MRPS31: variants seen among roughly 807,000 people sequenced by gnomAD.
MRPS31 encodes mitochondrial ribosomal protein S31.
A neutral mutation model predicts 43.1 loss-of-function variants in MRPS31; 32 were observed. The ratio of observed to expected loss-of-function variants is 0.74; its 90% CI spans 0.56 to 1.00. The LOEUF is 1.00. Ranked by LOEUF, MRPS31 falls within the 50% of genes least tolerant of loss-of-function variation. MRPS31 has a pLI of 0.00. For synonymous variants in MRPS31, 165 were observed against 161.6 expected (o/e 1.02, Z -0.16); for missense variants, 437 against 466.7 (o/e 0.94, Z 0.59).
At chr13:40,758,080 C>T (rs907916511) in intron 3 of MRPS31, among the ~76,000 whole-genome samples, 27 of 150,436 alleles carry the variant, frequency 1.8e-4, no homozygotes, top group African/African-American at 6.6e-4. Context: ...GAGGCGGAGC[C>T]TGCAGTGAGC....
chr13:40,762,398 T>C (rs1327453294), intron 2 of MRPS31, among the ~76,000 whole-genome samples: 1 of 152,072 alleles, frequency 6.6e-6, no homozygotes, highest in African/African-American at 2.4e-5. Context: ...AAATGTTACC[T>C]TATCAGAGTT....
In MRPS31 at chr13:40,762,815, TGTGTGTGTG is replaced by T. The variant is rs1286569538; in HGVS notation, c.441-3718_441-3710del. On this transcript the variant is annotated intron_variant, in intron 2 of 6. Transcript: ENST00000323563. ...GTGTGTGTGTGTGTGTGTGTGTGTGTGTGTGTGTGTGTGTGTGTGTGTGTGTTGTACATA... is the reference window on the plus strand; with the variant it reads ...GTGTGTGTGTGTGTGTGTGTGTGTGTTGTGTGTGTGTGTGTGTTGTACATA... Among the ~76,000 whole-genome samples, 15 of 149,222 alleles carry T rather than the reference TGTGTGTGTG, an allele frequency of 1.0e-4. 1 individual carries two copies. Among genetic ancestry groups the T allele is most frequent in the Non-Finnish European group, 1.5e-5 (1 of 66,556 alleles).
At chr13:40,760,361 C>T (rs72623307) in intron 2 of MRPS31, among the ~76,000 whole-genome samples, 10,263 of 151,682 alleles carry the variant, frequency 0.068, 739 homozygotes, top group East Asian at 0.19. Context: ...TACTTTAATA[C>T]ATGTAAATTT....
At chr13:40,738,221 TC>T (rs1879980133) in intron 6 of MRPS31, among the ~76,000 whole-genome samples, 1 of 151,074 alleles carries the variant, frequency 6.6e-6, no homozygotes, top group Non-Finnish European at 1.5e-5. Flanking sequence ...ACATACACTC[TC>T]CCAAGACTAA....
intron 1 of MRPS31, among the ~76,000 whole-genome samples, chr13:40,769,012 A>G (rs978543373): frequency 2.6e-5 from 4 of 152,098 alleles, no homozygotes; most frequent in Non-Finnish European, 5.9e-5. Flanking sequence ...GGAATTTAAC[A>G]TTTTAACTAA....
chr13:40,747,571 A>G (rs1880273612), intron 6 of MRPS31, among the ~76,000 whole-genome samples: 2 of 152,192 alleles, frequency 1.3e-5, no homozygotes, highest in Non-Finnish European at 2.9e-5. Flanking sequence ...ATGCTATATT[A>G]TTGCAGGTAC....
chr13:40,735,350 C>A (rs549664135), intron 6 of MRPS31, among the ~76,000 whole-genome samples: 1 of 152,008 alleles, frequency 6.6e-6, no homozygotes, highest in African/African-American at 2.4e-5. Context: ...AGTGAGGCTG[C>A]GGGAGGGGCG....
rs761112892 is a variant in MRPS31 at position 40,770,987 on chromosome 13, G to A, written c.150C>T (p.Ala50=). ...TVRYRSSALL[A]RTKNNIQRYF... ...CACGGGGTTGCCTGAGGACCTACCG[G>A]GCCAACAGCGCTGAACTGCGGTACC... The change falls in exon 1 of 7, where the codon GCC becomes GCT. Residue 50 remains alanine (A), a splice_region_variant and synonymous_variant. Coordinates refer to ENST00000323563, the MANE Select transcript of MRPS31 (RefSeq NM_005830.4). The A allele has an allele frequency of 3.7e-6, 6 of 1,613,968 alleles. No homozygotes were observed. The highest frequency in any genetic ancestry group is 5.1e-6 in the Non-Finnish European group (6 of 1,180,026).
chr13:40,757,109 TTTCA>T (rs1232093058), intron 3 of MRPS31, 96 bp from the exon 4 acceptor site: 7 of 995,386 alleles, frequency 7.0e-6, no homozygotes, highest in African/African-American at 1.7e-5. Flanking sequence ...TTAATTCTTA[TTTCA>T]TTTTTATGCA....
intron 6 of MRPS31, among the ~76,000 whole-genome samples, chr13:40,733,296 G>A (rs970363583): frequency 1.6e-4 from 25 of 152,086 alleles, no homozygotes; most frequent in Middle Eastern, 3.4e-3. Flanking sequence ...GAGCCACCGC[G>A]CCCAGCCCAA....
chr13:40,769,405 T>C lies in MRPS31; in HGVS notation c.152+1580A>G, dbSNP rs1041347213. 3.2e-4 allele frequency among the ~76,000 whole-genome samples: 34 copies of C among 105,580 alleles called. 1 individual carries two copies. The highest frequency in any genetic ancestry group is 2.4e-3 in the Admixed American group (24 of 10,074). 69.3% of individuals were successfully genotyped at this position (105,580 alleles called of 152,430 possible). ...ATATATATATATATATATATATATA[T>C]ATATATATATATATATTATCAAGTT... On this transcript the variant is annotated intron_variant, in intron 1 of 6. Transcript: ENST00000323563.
chr13:40,730,297 G>T (rs1272223302), intron 6 of MRPS31, among the ~76,000 whole-genome samples: 1 of 151,586 alleles, frequency 6.6e-6, no homozygotes. Context: ...CGAGGCAGGC[G>T]GCTCACTCAA....
At chr13:40,755,318 C>G (rs1880500447) in intron 4 of MRPS31, among the ~76,000 whole-genome samples, 1 of 152,138 alleles carries the variant, frequency 6.6e-6, no homozygotes, top group Non-Finnish European at 1.5e-5. Flanking sequence ...TGGATTAAAG[C>G]AAGTCACAGC....
chr13:40,752,520 T>C (rs151331130), intron 5 of MRPS31: 30 of 152,330 alleles, frequency 2.0e-4, no homozygotes, highest in Non-Finnish European at 4.0e-4. Context: ...TCTACAGATA[T>C]ATATTTTACA....
chr13:40,750,845 T>C (rs1880370728), intron 5 of MRPS31, among the ~76,000 whole-genome samples: 1 of 150,946 alleles, frequency 6.6e-6, no homozygotes, highest in Admixed American at 6.6e-5. Flanking sequence ...TTTTAAATAC[T>C]ATAGTGACAA....
chr13:40,741,356 G>C (rs1465056156), intron 6 of MRPS31, among the ~76,000 whole-genome samples: 1 of 152,130 alleles, frequency 6.6e-6, no homozygotes, highest in Non-Finnish European at 1.5e-5. Context: ...ACACATGTAA[G>C]AGTTTAAGAA....
chr13:40,768,546 C>G (rs1390516887), intron 1 of MRPS31, among the ~76,000 whole-genome samples: 1 of 152,070 alleles, frequency 6.6e-6, no homozygotes, highest in African/African-American at 2.4e-5. Flanking sequence ...GTGATCCTCC[C>G]ACCTCAGCCT....
intron 3 of MRPS31, 23 bp from the exon 4 acceptor site, chr13:40,757,036 T>C (rs201166213): frequency 1.9e-6 from 3 of 1,579,412 alleles, no homozygotes; most frequent in Non-Finnish European, 2.6e-6. Context: ...AAAGGTCAAG[T>C]GTATTAGAAA....
intron 6 of MRPS31, among the ~76,000 whole-genome samples, chr13:40,733,137 G>A (rs1472461258): frequency 2.6e-5 from 4 of 151,378 alleles, no homozygotes; most frequent in Non-Finnish European, 5.9e-5. Flanking sequence ...CTGAGTAGCT[G>A]GGATTACAGG....
Sources: gnomAD v4.1 joint callset for allele counts (sites outside exome capture counted in the v4.1 genomes callset) on GRCh38, gnomAD v4.1.1 for gene constraint, MANE v1.5 for transcripts, NCBI Gene and HGNC (gene_info 2026-07-23, HGNC 2026-07-21) for gene names.